The following TMEM74 variants were observed in gnomAD, a reference collection of about 807,000 sequenced individuals.
TMEM74 encodes transmembrane protein 74.
TMEM74 carries 13 observed loss-of-function variants against 18.1 expected under a neutral mutation model. The observed-to-expected ratio is 0.72, with a 90% CI of 0.47 to 1.14. The LOEUF is 1.14. Ranked by LOEUF, TMEM74 falls within the 50% of genes most tolerant of loss-of-function variation. The pLI is 0.00. For synonymous variants in TMEM74, 159 were observed against 146.6 expected (o/e 1.08, Z -0.61); for missense variants, 372 against 375.9 (o/e 0.99, Z 0.09).
chr8:108,663,194 C>T (rs1275720760), intron 1 of TMEM74, among the ~76,000 whole-genome samples: 1 of 152,088 alleles, frequency 6.6e-6, no homozygotes, highest in Non-Finnish European at 1.5e-5. Context: ...ATCTATCTAT[C>T]TGACAAAGGT....
At chr8:108,738,011 C>G in intron 1 of TMEM74, among the ~76,000 whole-genome samples, 1 of 152,154 alleles carries the variant, frequency 6.6e-6, no homozygotes, top group African/African-American at 2.4e-5. Context: ...ATAAACTACT[C>G]TGGTTTTTAC....
intron 2 of TMEM74, among the ~76,000 whole-genome samples, chr8:108,627,903 A>G (rs1812510194): frequency 6.6e-6 from 1 of 151,656 alleles, no homozygotes; most frequent in Non-Finnish European, 1.5e-5. Context: ...AAATACAAAA[A>G]CATTAGCTGG....
chr8:108,778,637 C>T (rs1418020575), downstream of TMEM74, among the ~76,000 whole-genome samples: 4 of 152,016 alleles, frequency 2.6e-5, no homozygotes, highest in African/African-American at 9.7e-5. Flanking sequence ...AGTTTTTGAC[C>T]TTGACAGCAC....
chr8:108,756,047 A>C (rs190943699), intron 1 of TMEM74, among the ~76,000 whole-genome samples: 1 of 152,200 alleles, frequency 6.6e-6, no homozygotes, highest in Admixed American at 6.6e-5. Flanking sequence ...ACTGGGTAAT[A>C]AGAAAATAAA....
At chr8:108,698,109 A>G (rs1813299551) in intron 1 of TMEM74, among the ~76,000 whole-genome samples, 2 of 152,120 alleles carry the variant, frequency 1.3e-5, no homozygotes, top group South Asian at 2.1e-4. Context: ...GCTATGTATT[A>G]TCTCTCACTT....
At chr8:108,738,629 G>A (rs1813770702) in intron 1 of TMEM74, among the ~76,000 whole-genome samples, 1 of 152,152 alleles carries the variant, frequency 6.6e-6, no homozygotes, top group Non-Finnish European at 1.5e-5. Context: ...TGCAAGCCAT[G>A]CATCAAGGGA....
chr8:108,770,698 G>C (rs1157321533), intron 1 of TMEM74, among the ~76,000 whole-genome samples: 1 of 152,074 alleles, frequency 6.6e-6, no homozygotes, highest in Non-Finnish European at 1.5e-5. Flanking sequence ...GAAAGTACTT[G>C]GATTATGTCT....
At chr8:108,763,701 A>G (rs1240135029) in intron 1 of TMEM74, among the ~76,000 whole-genome samples, 1 of 152,140 alleles carries the variant, frequency 6.6e-6, no homozygotes, top group African/African-American at 2.4e-5. Context: ...AGATCTAATT[A>G]TTTTACTGGT....
At chr8:108,677,195 A>G (rs1283530717) in intron 1 of TMEM74, among the ~76,000 whole-genome samples, 3 of 152,182 alleles carry the variant, frequency 2.0e-5, no homozygotes, top group African/African-American at 7.2e-5. Context: ...TGGCATGGCT[A>G]GGAGTTGTCT....
At chr8:108,649,875 C>T (rs1441791873) in intron 2 of TMEM74, among the ~76,000 whole-genome samples, 1 of 152,106 alleles carries the variant, frequency 6.6e-6, no homozygotes, top group Admixed American at 6.6e-5. Context: ...GGTTAACAGC[C>T]TCAACCTTTT....
intron 1 of TMEM74, among the ~76,000 whole-genome samples, chr8:108,656,484 A>G (rs1169158346): frequency 6.6e-6 from 1 of 152,226 alleles, no homozygotes; most frequent in African/African-American, 2.4e-5. Flanking sequence ...CTTCTTCCAC[A>G]TAGAGTTACT....
intron 2 of TMEM74, among the ~76,000 whole-genome samples, chr8:108,650,792 C>T (rs768917585): frequency 6.6e-6 from 1 of 152,056 alleles, no homozygotes; most frequent in Non-Finnish European, 1.5e-5. Flanking sequence ...CTCACTGCAA[C>T]CTCTGACTCC....
At chr8:108,721,011 C>T (rs892615292) in intron 1 of TMEM74, among the ~76,000 whole-genome samples, 6 of 152,070 alleles carry the variant, frequency 3.9e-5, no homozygotes, top group African/African-American at 9.7e-5. Flanking sequence ...TCAAATGATC[C>T]GCCCGCCTCG....
intron 1 of TMEM74, among the ~76,000 whole-genome samples, chr8:108,715,599 G>A (rs1813515556): frequency 6.6e-6 from 1 of 152,038 alleles, no homozygotes; most frequent in Non-Finnish European, 1.5e-5. Flanking sequence ...TGAGAGGAAT[G>A]TAGTTTGAAT....
rs551454817 is a variant in TMEM74 at position 108,785,711 on chromosome 8, T to C, written c.-39-574A>G. On this transcript the variant is annotated intron_variant, in intron 1 of 1. Transcript: ENST00000297459. ...GCAGGAACTCAGCATTTTGATTCCA[T>C]AGCTCTGAAGTAGATGAAAAAGGCC... Among the ~76,000 whole-genome samples, 8 of 152,318 alleles carry C rather than the reference T, an allele frequency of 5.3e-5. No individual in the cohort carries two copies. The South Asian group carries it at 1.2e-3, about 24-fold the overall frequency.
intron 1 of TMEM74, among the ~76,000 whole-genome samples, chr8:108,762,632 A>G (rs1814058404): frequency 6.6e-6 from 1 of 152,070 alleles, no homozygotes; most frequent in Non-Finnish European, 1.5e-5. Context: ...CTTTTTCCCC[A>G]TGATACATTC....
At chr8:108,671,171 C>T (rs560795388) in intron 1 of TMEM74, among the ~76,000 whole-genome samples, 40 of 152,214 alleles carry the variant, frequency 2.6e-4, no homozygotes, top group Middle Eastern at 3.4e-3. Flanking sequence ...ATGGCCAGTG[C>T]TCACTCTTGG....
downstream of TMEM74, among the ~76,000 whole-genome samples, chr8:108,775,462 T>G (rs138441986): frequency 1.4e-4 from 22 of 152,316 alleles, no homozygotes; most frequent in Middle Eastern, 3.4e-3. Context: ...TTTGGCAATG[T>G]ATTTCCCTTA....
chr8:108,682,995 G>A (rs1013216813), intron 1 of TMEM74, among the ~76,000 whole-genome samples: 1 of 151,782 alleles, frequency 6.6e-6, no homozygotes, highest in Non-Finnish European at 1.5e-5. Flanking sequence ...AAAAGATATA[G>A]CTAAGGATGG....
Sources: allele counts gnomAD v4.1 joint callset (sites outside exome capture counted in the v4.1 genomes callset), GRCh38; gene constraint gnomAD v4.1.1; transcripts MANE v1.5; gene names NCBI Gene and HGNC (gene_info 2026-07-23, HGNC 2026-07-21).